VAV1: variants seen among roughly 807,000 people sequenced by gnomAD.
The protein encoded by VAV1 is proto-oncogene vav.
In VAV1, 33 loss-of-function variants were observed where a neutral mutation model predicts 128.1. The ratio of observed to expected loss-of-function variants is 0.26; its 90% CI spans 0.20 to 0.34. The LOEUF (loss-of-function observed/expected upper bound fraction) is 0.34, where lower values mean the gene tolerates loss of function less well. VAV1 is among the 10% of genes least tolerant of loss of function. VAV1 has a pLI of 1.00. For missense variants in VAV1, 715 were observed against 1,093.7 expected (o/e 0.65, Z 4.88); for synonymous variants, 394 against 409.8 (o/e 0.96, Z 0.47).
chr19:6,850,586 CA>C lies in VAV1; in HGVS notation c.2130-82del. 3 of 1,358,382 alleles carry C rather than the reference CA, an allele frequency of 2.2e-6. No homozygotes were observed. In the South Asian group the frequency reaches 3.6e-5, roughly 16 times the overall value. The allele number at this position is 1,358,382 out of a possible 1,614,324, so 84.1% of individuals were successfully genotyped here. A position where few individuals can be genotyped will look rare whatever the true frequency, so the allele number is the denominator to read the frequency against. ...AGTAGTTACTCCTCCCTGAAGGGGT[CA>C]AGGTTGCTTCCTCCATAACTGGGGC... On this transcript the variant is annotated intron_variant, in intron 23 of 26. Transcript: ENST00000602142.
intron 9 of VAV1, among the ~76,000 whole-genome samples, chr19:6,827,690 C>T (rs750662170): frequency 6.6e-6 from 1 of 151,922 alleles, no homozygotes; most frequent in Non-Finnish European, 1.5e-5. Context: ...TCTCTGCCTC[C>T]CGGGTTCAAG....
At chr19:6,816,824 C>T (rs756725254) in intron 1 of VAV1, among the ~76,000 whole-genome samples, 30 of 150,994 alleles carry the variant, frequency 2.0e-4, no homozygotes, top group African/African-American at 7.3e-5. Context: ...ATCAGCTGGA[C>T]GTGGTGGCAC....
At chr19:6,842,221 ACT>A (rs1972395904) in intron 21 of VAV1, among the ~76,000 whole-genome samples, 1 of 151,784 alleles carries the variant, frequency 6.6e-6, no homozygotes, top group Non-Finnish European at 1.5e-5. Flanking sequence ...TAAGAGCAAA[ACT>A]CTGTCTCAAA....
intron 1 of VAV1, chr19:6,784,182 A>G: frequency 1.6e-6 from 1 of 606,132 alleles, no homozygotes; most frequent in South Asian, 2.0e-5. Context: ...TGAGCCCAGG[A>G]GTTTGATGCT....
intron 9 of VAV1, 79 bp from the exon 10 acceptor site, chr19:6,827,997 C>G: frequency 7.9e-7 from 1 of 1,261,148 alleles, no homozygotes; most frequent in South Asian, 1.2e-5. Context: ...CGTATTTATT[C>G]AAATCTATCT....
intron 14 of VAV1, among the ~76,000 whole-genome samples, chr19:6,831,007 G>A (rs370969157): frequency 1.5e-4 from 23 of 152,238 alleles, no homozygotes; most frequent in Middle Eastern, 3.4e-3. Context: ...TGGGAGGATC[G>A]CCTGTGGCTA....
At chr19:6,797,764 A>G (rs1331055654) in intron 1 of VAV1, among the ~76,000 whole-genome samples, 1 of 148,492 alleles carries the variant, frequency 6.7e-6, no homozygotes, top group African/African-American at 2.5e-5. Context: ...AAAAAAAAAG[A>G]GTAGGAGCAA....
At chr19:6,801,523 T>C (rs1356132809) in intron 1 of VAV1, among the ~76,000 whole-genome samples, 1 of 152,040 alleles carries the variant, frequency 6.6e-6, no homozygotes, top group Admixed American at 6.6e-5. Flanking sequence ...CTTCGGAGCT[T>C]TGAAAGGGTG....
At chr19:6,802,915 A>G (rs1229424281) in intron 1 of VAV1, among the ~76,000 whole-genome samples, 1 of 152,152 alleles carries the variant, frequency 6.6e-6, no homozygotes, top group Non-Finnish European at 1.5e-5. Flanking sequence ...GGTACTAGGT[A>G]TTGAGGTCCT....
At chr19:6,805,831 A>G (rs1971384797) in intron 1 of VAV1, among the ~76,000 whole-genome samples, 2 of 151,912 alleles carry the variant, frequency 1.3e-5, no homozygotes, top group Admixed American at 6.6e-5. Flanking sequence ...AAACTAAAAG[A>G]GAGGAGGAAA....
chr19:6,815,726 C>T (rs930550637), intron 1 of VAV1, among the ~76,000 whole-genome samples: 1 of 152,180 alleles, frequency 6.6e-6, no homozygotes, highest in Non-Finnish European at 1.5e-5. Flanking sequence ...GTGTGTCTCA[C>T]CTCAGTTTCC....
At chr19:6,776,222 A>G (rs1389407093) in intron 1 of VAV1, among the ~76,000 whole-genome samples, 2 of 150,566 alleles carry the variant, frequency 1.3e-5, no homozygotes, top group African/African-American at 2.5e-5. Context: ...TCATCCATTT[A>G]TCCATCCACT....
intron 1 of VAV1, among the ~76,000 whole-genome samples, chr19:6,814,677 T>TTTCTTTCC (rs1971594053): frequency 9.7e-6 from 1 of 102,966 alleles, no homozygotes; most frequent in Non-Finnish European, 1.8e-5. Context: ...CCTTCCTTTC[T>TTTCTTTCC]TTCTTTCTTT....
chr19:6,800,483 A>T (rs1323230223), intron 1 of VAV1, among the ~76,000 whole-genome samples: 1 of 150,030 alleles, frequency 6.7e-6, no homozygotes, highest in Non-Finnish European at 1.5e-5. Context: ...CTAATTTTGT[A>T]TTTTTAGCAG....
At chr19:6,799,531 C>G (rs1478899479) in intron 1 of VAV1, among the ~76,000 whole-genome samples, 1 of 152,102 alleles carries the variant, frequency 6.6e-6, no homozygotes, top group Non-Finnish European at 1.5e-5. Flanking sequence ...TATACACGTG[C>G]CATGGTGGTT....
At chr19:6,842,988 C>A in intron 21 of VAV1, 147 bp from the exon 22 acceptor site, 1 of 813,754 alleles carries the variant, frequency 1.2e-6, no homozygotes, top group Non-Finnish European at 2.0e-6. Flanking sequence ...GACTTTATCC[C>A]CAGTGAGTAC....
At chr19:6,856,681 G>A (rs575097415) in intron 26 of VAV1, among the ~76,000 whole-genome samples, 16 of 149,078 alleles carry the variant, frequency 1.1e-4, no homozygotes, top group African/African-American at 2.2e-4. Context: ...CTGAGATTGC[G>A]CCATTGCACT....
intron 22 of VAV1, among the ~76,000 whole-genome samples, chr19:6,844,063 CTTTTTTTTTTTTTTTTTTTTTTTTT>C (rs71177123): frequency 1.3e-3 from 27 of 21,326 alleles, no homozygotes; most frequent in South Asian, 9.6e-3. Context: ...TCTTCTTCTT[CTTTTTTTTTTTTTTTTTTTTTTTTT>C]TTTTTTTTTT....
intron 6 of VAV1, among the ~76,000 whole-genome samples, chr19:6,823,660 C>CT (rs979888387): frequency 1.6e-4 from 25 of 151,960 alleles, no homozygotes; most frequent in South Asian, 6.2e-4. Flanking sequence ...CACTCTGTCT[C>CT]TTTTTCCCTC....
Sources: allele counts gnomAD v4.1 joint callset (sites outside exome capture counted in the v4.1 genomes callset), GRCh38; gene constraint gnomAD v4.1.1; transcripts MANE v1.5; gene names NCBI Gene and HGNC (gene_info 2026-07-23, HGNC 2026-07-21).